The following SLC9C2 variants were observed in gnomAD, a reference collection of about 807,000 sequenced individuals.
SLC9C2 encodes the protein solute carrier family 9 member C2 (putative), also known as sodium/hydrogen exchanger 11.
SLC9C2 carries 75 observed loss-of-function variants against 140.2 expected under a neutral mutation model. That is an observed-to-expected ratio of 0.53 (90% CI 0.44 to 0.65). The LOEUF is 0.65. Among genes scored for constraint, SLC9C2 ranks in the 30% least tolerant of loss-of-function variants. SLC9C2 has a pLI of 0.00. For missense variants in SLC9C2, 1,074 were observed against 1,331.8 expected (o/e 0.81, Z 3.01); for synonymous variants, 375 against 420.9 (o/e 0.89, Z 1.34).
chr1:173,526,594 G>T, intron 19 of SLC9C2, 69 bp downstream of exon 19: 1 of 1,310,894 alleles, frequency 7.6e-7, no homozygotes, highest in Non-Finnish European at 1.1e-6. Context: ...AGCATGAATT[G>T]TTCTTCTTTT....
chr1:173,553,596 T>A (rs917161865), intron 11 of SLC9C2, among the ~76,000 whole-genome samples: 4 of 152,216 alleles, frequency 2.6e-5, no homozygotes, highest in African/African-American at 7.2e-5. Context: ...ATTGTTAGCA[T>A]TTTTTTAGCA....
chr1:173,521,660 A>G (rs1660832085), intron 21 of SLC9C2, among the ~76,000 whole-genome samples: 1 of 151,506 alleles, frequency 6.6e-6, no homozygotes. Context: ...ACAGGCAAAC[A>G]AACTTTGACT....
At chr1:173,576,583 A>T in intron 8 of SLC9C2, 78 bp downstream of exon 8, 1 of 797,112 alleles carries the variant, frequency 1.3e-6, no homozygotes, top group Non-Finnish European at 2.0e-6. Context: ...AAAGAGTTTT[A>T]CTAGTGTCCA....
Position 173,582,023 on chromosome 1 carries a change from G to GA in SLC9C2, c.641-16dup. 2 of 1,479,232 alleles carry GA rather than the reference G, an allele frequency of 1.4e-6. No homozygotes were observed. The highest frequency in any genetic ancestry group is 9.1e-7 in the Non-Finnish European group (1 of 1,104,778). The allele number at this position is 1,479,232 out of a possible 1,614,324, so 91.6% of individuals were successfully genotyped here. A position where few individuals can be genotyped will look rare whatever the true frequency, so the allele number is the denominator to read the frequency against. Reference sequence around the variant, plus strand: ...TACATGTAAATCTAAAAAAAAGAAAGAAAAAATAAGAAATAAAAACTTGAG... The same window carrying GA: ...TACATGTAAATCTAAAAAAAAGAAAGAAAAAAATAAGAAATAAAAACTTGAG... On this transcript the variant is annotated splice_polypyrimidine_tract_variant and intron_variant, in intron 6 of 27. Transcript: ENST00000367714.
At chr1:173,517,415 A>G (rs1660496800) in intron 23 of SLC9C2, 122 bp downstream of exon 23, 4 of 902,874 alleles carry the variant, frequency 4.4e-6, no homozygotes, top group East Asian at 5.5e-5. Flanking sequence ...CTTTTCAGCT[A>G]TGTTACCTCC....
chr1:173,559,074 A>C (rs1342185564), intron 9 of SLC9C2, among the ~76,000 whole-genome samples: 1 of 152,238 alleles, frequency 6.6e-6, no homozygotes, highest in Non-Finnish European at 1.5e-5. Flanking sequence ...TGAGTCAAAC[A>C]TTGTGCTAAA....
At chr1:173,584,172 AAATG>A (rs531526794) in intron 5 of SLC9C2, among the ~76,000 whole-genome samples, 1 of 147,348 alleles carries the variant, frequency 6.8e-6, no homozygotes, top group Non-Finnish European at 1.5e-5. Flanking sequence ...TCCTCCACAA[AAATG>A]AATGAAGTAC....
chr1:173,548,624 C>T, intron 11 of SLC9C2, 72 bp from the exon 12 acceptor site: 17 of 1,539,682 alleles, frequency 1.1e-5, no homozygotes, highest in Non-Finnish European at 1.5e-5. Context: ...AAAAATGTTG[C>T]ATGATCATGT....
intron 11 of SLC9C2, among the ~76,000 whole-genome samples, chr1:173,549,171 C>T (rs959589025): frequency 6.6e-6 from 1 of 152,108 alleles, no homozygotes; most frequent in African/African-American, 2.4e-5. Flanking sequence ...CTCACAATTC[C>T]ATCTCAATAA....
chr1:173,521,292 GT>G lies in SLC9C2; in HGVS notation c.2739+8del. The G allele has an allele frequency of 7.5e-7, 1 of 1,330,904 alleles. No individual in the cohort carries two copies. Among genetic ancestry groups the G allele is most frequent in the Non-Finnish European group, 1.0e-6 (1 of 975,688 alleles). 82.4% of individuals were successfully genotyped at this position (1,330,904 alleles called of 1,614,324 possible). Reference sequence around the variant, plus strand: ...GTAAAAAAAAAAAAAAAAATCAATAGTCCCTTACAATTGCCATTCCTGAAAT... The same window carrying G: ...GTAAAAAAAAAAAAAAAAATCAATAGCCCTTACAATTGCCATTCCTGAAAT... On this transcript the variant is annotated splice_region_variant and intron_variant, in intron 22 of 27. Coordinates refer to ENST00000367714, the MANE Select transcript of SLC9C2 (RefSeq NM_178527.4).
intron 4 of SLC9C2, among the ~76,000 whole-genome samples, chr1:173,588,940 T>C (rs1178704306): frequency 6.6e-6 from 1 of 151,936 alleles, no homozygotes; most frequent in Non-Finnish European, 1.5e-5. Context: ...TAGCTGAGCA[T>C]GGTGGTGCAC....
At chr1:173,546,741 AAAAT>A (rs1662878323) in intron 13 of SLC9C2, among the ~76,000 whole-genome samples, 1 of 152,206 alleles carries the variant, frequency 6.6e-6, no homozygotes, top group Non-Finnish European at 1.5e-5. Flanking sequence ...ATAAACTGTA[AAAAT>A]AAATATTTAT....
intron 9 of SLC9C2, among the ~76,000 whole-genome samples, chr1:173,557,837 T>C (rs1248499954): frequency 6.6e-6 from 1 of 152,164 alleles, no homozygotes; most frequent in Non-Finnish European, 1.5e-5. Flanking sequence ...GCTCATCTAC[T>C]CCCTGAAAAG....
At chr1:173,554,420 G>A (rs1663533460) in intron 11 of SLC9C2, among the ~76,000 whole-genome samples, 1 of 152,154 alleles carries the variant, frequency 6.6e-6, no homozygotes, top group South Asian at 2.1e-4. Flanking sequence ...GGGCATGGAA[G>A]AGCAATCAAA....
At chr1:173,572,059 T>C (rs1186078991) in intron 9 of SLC9C2, among the ~76,000 whole-genome samples, 1 of 152,150 alleles carries the variant, frequency 6.6e-6, no homozygotes, top group Non-Finnish European at 1.5e-5. Context: ...TTATGCCCAG[T>C]CTACAGATAA....
chr1:173,572,720 C>T (rs1427902336), intron 9 of SLC9C2, among the ~76,000 whole-genome samples: 3 of 152,196 alleles, frequency 2.0e-5, no homozygotes, highest in Non-Finnish European at 4.4e-5. Flanking sequence ...TACATGGTAA[C>T]TGCATTATCA....
At chr1:173,588,552 A>C (rs1402998526) in intron 4 of SLC9C2, among the ~76,000 whole-genome samples, 1 of 152,072 alleles carries the variant, frequency 6.6e-6, no homozygotes, top group Non-Finnish European at 1.5e-5. Context: ...CTTAAATCTC[A>C]TAAGAGCATG....
At chr1:173,587,527 C>T (rs1359416308) in intron 5 of SLC9C2, 138 bp downstream of exon 5, 1 of 760,090 alleles carries the variant, frequency 1.3e-6, no homozygotes, top group Admixed American at 3.0e-5. Flanking sequence ...TCAATCAGTG[C>T]TCTACCTCTC....
rs1173037384 is a variant in SLC9C2 at position 173,524,884 on chromosome 1, C to T, written c.2409G>A (p.Lys803=). The change falls in exon 20 of 28, where the codon AAG becomes AAA. Residue 803 remains lysine, a synonymous_variant. Transcript: ENST00000367714. ...HEGRDVVIAL[K]TKQAIRNVIA... is the part of the protein sequence containing the mutation. Reference sequence around the variant, plus strand: ...TCACATTCCGGATTGCCTGTTTAGTCTTCAAAGCAATGACAACATCACGAC... The same window carrying T: ...TCACATTCCGGATTGCCTGTTTAGTTTTCAAAGCAATGACAACATCACGAC... 6.2e-7 allele frequency: 1 copy of T among 1,614,076 alleles called. No individual in the cohort carries two copies. Among genetic ancestry groups the T allele is most frequent in the Non-Finnish European group, 8.5e-7 (1 of 1,179,978 alleles).
Sources: allele counts gnomAD v4.1 joint callset (sites outside exome capture counted in the v4.1 genomes callset), GRCh38; gene constraint gnomAD v4.1.1; transcripts MANE v1.5; gene names NCBI Gene and HGNC (gene_info 2026-07-23, HGNC 2026-07-21).